AIG1: variants seen among roughly 807,000 people sequenced by gnomAD.
AIG1 encodes the protein androgen induced 1, also known as androgen-induced gene 1 protein.
A neutral mutation model predicts 31.4 loss-of-function variants in AIG1; 23 were observed. The observed-to-expected ratio is 0.73, with a 90% CI of 0.53 to 1.04. The LOEUF (loss-of-function observed/expected upper bound fraction) is 1.04, where lower values mean the gene tolerates loss of function less well. Among genes scored for constraint, AIG1 ranks in the 50% least tolerant of loss-of-function variants. The pLI, the probability that AIG1 is intolerant of heterozygous loss-of-function variation, is 0.00. For synonymous variants in AIG1, 100 were observed against 110.5 expected (o/e 0.90, Z 0.60); for missense variants, 274 against 295.0 (o/e 0.93, Z 0.52).
chr6:143,177,747 G>A (rs1788306723), intron 3 of AIG1, among the ~76,000 whole-genome samples: 1 of 152,208 alleles, frequency 6.6e-6, no homozygotes, highest in East Asian at 1.9e-4. Context: ...ACAACAGTGG[G>A]CCTGGGTGGC....
At chr6:143,282,364 CT>C (rs1797392102) in intron 3 of AIG1, among the ~76,000 whole-genome samples, 1 of 152,160 alleles carries the variant, frequency 6.6e-6, no homozygotes, top group South Asian at 2.1e-4. Context: ...TTATTGCTAG[CT>C]GTATATTTGA....
intron 1 of AIG1, among the ~76,000 whole-genome samples, chr6:143,128,007 G>A (rs1782847695): frequency 6.6e-6 from 1 of 152,046 alleles, no homozygotes; most frequent in Non-Finnish European, 1.5e-5. Context: ...TTTAGTTGAG[G>A]ATATTGAAGA....
Position 143,333,499 on chromosome 6 carries a change from T to A in AIG1, c.679+54T>A. On this transcript the variant is annotated intron_variant, in intron 5 of 5. Coordinates refer to ENST00000357847, the MANE Select transcript of AIG1 (RefSeq NM_016108.4). The surrounding 1 kb of genome is among the most constrained non-coding windows in gnomAD (Gnocchi z 4.6). Reference sequence around the variant, plus strand: ...AAGAGAATTACTGCCGGCAACAGTCTATGCAGAGACTGAGGGAAAATTCCA... The same window carrying A: ...AAGAGAATTACTGCCGGCAACAGTCAATGCAGAGACTGAGGGAAAATTCCA... The A allele has an allele frequency of 6.3e-7, 1 of 1,581,182 alleles. No homozygotes were observed. The highest frequency in any genetic ancestry group is 8.6e-7 in the Non-Finnish European group (1 of 1,159,422).
Position 143,299,468 on chromosome 6 carries a change from A to T in AIG1, c.515+15243A>T, listed in dbSNP as rs139844100. 16 of 152,300 alleles carry T rather than the reference A, an allele frequency of 1.1e-4. No individual in the cohort carries two copies. Among genetic ancestry groups the T allele is most frequent in the African/African-American group, 3.6e-4 (15 of 41,566 alleles). 9.4% of individuals were successfully genotyped at this position (152,300 alleles called of 1,614,324 possible). A position where few individuals can be genotyped will look rare whatever the true frequency, so the allele number is the denominator to read the frequency against. ...CAGCATGGCTGGAATAGCAGTACAC[A>T]TAGCTGGGCTACTGAAGGTGTCAAA... is the stretch of plus-strand genomic sequence containing the variant. On this transcript the variant is annotated intron_variant, in intron 4 of 5. Transcript: ENST00000357847. The surrounding 1 kb of genome is among the most constrained non-coding windows in gnomAD (Gnocchi z 4.1).
chr6:143,134,358 G>T (rs1468669632), intron 1 of AIG1, among the ~76,000 whole-genome samples: 5 of 132,456 alleles, frequency 3.8e-5, no homozygotes, highest in South Asian at 2.4e-4. Context: ...ATTTTTTTTT[G>T]AAATTGATTT....
chr6:143,280,864 A>C lies in AIG1; in HGVS notation c.400-3246A>C, dbSNP rs1797299082. Among the ~76,000 whole-genome samples the C allele has an allele frequency of 6.6e-6, 1 of 152,186 alleles. No individual in the cohort carries two copies. Among genetic ancestry groups the C allele is most frequent in the African/African-American group, 2.4e-5 (1 of 41,430 alleles). ...TAACAAACCTTCACGTGTATCCCCA[A>C]ATCTAAAATAAAAGTTAAAAAAAAG... On this transcript the variant is annotated intron_variant, in intron 3 of 5. Coordinates refer to ENST00000357847, the MANE Select transcript of AIG1 (RefSeq NM_016108.4). The surrounding 1 kb of genome is among the most constrained non-coding windows in gnomAD (Gnocchi z 4.1).
intron 4 of AIG1, among the ~76,000 whole-genome samples, chr6:143,285,622 C>T (rs571593415): frequency 1.3e-5 from 2 of 152,050 alleles, no homozygotes; most frequent in South Asian, 4.2e-4. Context: ...CGAGATCACG[C>T]AACTGCACTC....
intron 3 of AIG1, chr6:143,187,565 T>A (rs1789379514): frequency 6.5e-7 from 1 of 1,536,058 alleles, no homozygotes. Context: ...CATAAAAATA[T>A]GAAAAGCAAC....
In AIG1 at chr6:143,330,792, C is replaced by T. The variant is rs945209045; in HGVS notation, c.516-2490C>T. On this transcript the variant is annotated intron_variant, in intron 4 of 5. Coordinates refer to ENST00000357847, the MANE Select transcript of AIG1 (RefSeq NM_016108.4). This position sits in a 1 kb window ranked among gnomAD's most constrained non-coding sequence, Gnocchi z 4.4. ...AAATTGGGGGAATATTGCATATTCTCTCCATGGAAATTAATAAACCATTTG... is the reference window on the plus strand; with the variant it reads ...AAATTGGGGGAATATTGCATATTCTTTCCATGGAAATTAATAAACCATTTG... Among the ~76,000 whole-genome samples the T allele has an allele frequency of 3.9e-5, 6 of 152,274 alleles. 1 individual carries two copies. In the South Asian group the frequency reaches 1.0e-3, roughly 26 times the overall value.
At chr6:143,174,728 A>G (rs954600760) in intron 3 of AIG1, among the ~76,000 whole-genome samples, 2 of 152,138 alleles carry the variant, frequency 1.3e-5, no homozygotes, top group African/African-American at 4.8e-5. Flanking sequence ...GATGTGAGGT[A>G]CTATTCACTT....
At chr6:143,060,336 C>T (rs973443317), upstream of AIG1, among the ~76,000 whole-genome samples, 4 of 152,312 alleles carry the variant, frequency 2.6e-5, no homozygotes, top group East Asian at 1.9e-4. Flanking sequence ...GGTTTACACC[C>T]CACGTTCACA....
chr6:143,127,971 A>G (rs1782843928), intron 1 of AIG1, among the ~76,000 whole-genome samples: 1 of 152,206 alleles, frequency 6.6e-6, no homozygotes, highest in Non-Finnish European at 1.5e-5. Flanking sequence ...TACAGGCATG[A>G]GCCACCACAT....
At chr6:143,134,526 C>CT (rs1783556123) in intron 1 of AIG1, among the ~76,000 whole-genome samples, 2 of 150,472 alleles carry the variant, frequency 1.3e-5, no homozygotes, top group African/African-American at 4.9e-5. Context: ...GTTATTTCAA[C>CT]TTTTTTGAAG....
At chr6:143,264,712 A>G (rs925121388) in intron 3 of AIG1, among the ~76,000 whole-genome samples, 13 of 152,212 alleles carry the variant, frequency 8.5e-5, no homozygotes, top group Non-Finnish European at 1.8e-4. Flanking sequence ...GCCTTACCAA[A>G]AACTTTACCT....
At chr6:143,248,456 T>A (rs1392154523) in intron 3 of AIG1, among the ~76,000 whole-genome samples, 2 of 152,170 alleles carry the variant, frequency 1.3e-5, no homozygotes, top group Non-Finnish European at 2.9e-5. Context: ...AAAGACTATG[T>A]CTCAGTTGCT....
At chr6:143,107,041 A>T (rs1387107330) in intron 1 of AIG1, among the ~76,000 whole-genome samples, 1 of 152,222 alleles carries the variant, frequency 6.6e-6, no homozygotes, top group African/African-American at 2.4e-5. Context: ...AGTTAGAGAG[A>T]CACACACATT....
intron 3 of AIG1, among the ~76,000 whole-genome samples, chr6:143,175,003 G>C (rs951708761): frequency 6.6e-6 from 1 of 152,114 alleles, no homozygotes; most frequent in Non-Finnish European, 1.5e-5. Context: ...GTGCTGGCTT[G>C]GTATTGGCAG....
intron 2 of AIG1, among the ~76,000 whole-genome samples, chr6:143,163,086 A>C (rs1431160367): frequency 1.3e-5 from 2 of 152,102 alleles, no homozygotes; most frequent in Non-Finnish European, 1.5e-5. Flanking sequence ...GCATATTTAA[A>C]AGCTTTCAGG....
chr6:143,277,065 A>T (rs1583706798), intron 3 of AIG1, among the ~76,000 whole-genome samples: 1 of 152,146 alleles, frequency 6.6e-6, no homozygotes, highest in African/African-American at 2.4e-5. Context: ...TCAGCCAGAG[A>T]TTGGTGATTT....
Sources: allele counts gnomAD v4.1 joint callset (sites outside exome capture counted in the v4.1 genomes callset), GRCh38; gene constraint gnomAD v4.1.1; non-coding constraint Gnocchi (gnomAD v3.1); transcripts MANE v1.5; gene names NCBI Gene and HGNC (gene_info 2026-07-23, HGNC 2026-07-21).